GSG1L: variants seen among roughly 807,000 people sequenced by gnomAD.
The protein encoded by GSG1L is GSG1 like, also known as germ cell-specific gene 1-like protein.
In GSG1L, 24 loss-of-function variants were observed where a neutral mutation model predicts 42.1. The observed-to-expected ratio is 0.57, with a 90% CI of 0.41 to 0.80. The LOEUF (loss-of-function observed/expected upper bound fraction) is 0.80. Among genes scored for constraint, GSG1L ranks in the 30% least tolerant of loss-of-function variants. The probability of loss-of-function intolerance (pLI) is 0.00; values close to 1 mark genes in which losing one functional copy is unlikely to be tolerated. For synonymous variants in GSG1L, 215 were observed against 203.5 expected (o/e 1.06, Z -0.48); for missense variants, 445 against 472.2 (o/e 0.94, Z 0.53).
intron 2 of GSG1L, among the ~76,000 whole-genome samples, chr16:27,914,150 C>A (rs990988792): frequency 4.0e-5 from 6 of 151,716 alleles, no homozygotes; most frequent in Non-Finnish European, 8.8e-5. Context: ...AGTAATGATG[C>A]AATTAGTATC....
At chr16:27,959,200 G>A (rs1308553854) in intron 2 of GSG1L, among the ~76,000 whole-genome samples, 1 of 147,060 alleles carries the variant, frequency 6.8e-6, no homozygotes, top group Non-Finnish European at 1.5e-5. Flanking sequence ...GCTCATGCCT[G>A]TAATCCCAAC....
chr16:28,034,032 G>A (rs2085998730), intron 1 of GSG1L, among the ~76,000 whole-genome samples: 1 of 152,044 alleles, frequency 6.6e-6, no homozygotes, highest in Admixed American at 6.6e-5. Context: ...GGGTTCCCAT[G>A]CAGGACTTGA....
chr16:27,808,817 G>A (rs182709396), intron 5 of GSG1L, among the ~76,000 whole-genome samples: 104 of 152,326 alleles, frequency 6.8e-4, no homozygotes, highest in African/African-American at 2.3e-3. Flanking sequence ...TCAGGGTTGT[G>A]GTGGTCCCAG....
chr16:27,795,311 C>G (rs992497914), intron 6 of GSG1L, among the ~76,000 whole-genome samples: 1 of 152,200 alleles, frequency 6.6e-6, no homozygotes, highest in African/African-American at 2.4e-5. Context: ...CTCAAACTCT[C>G]CTCTTTTGGG....
intron 2 of GSG1L, among the ~76,000 whole-genome samples, chr16:27,958,486 A>G (rs1008388104): frequency 4.6e-5 from 7 of 152,094 alleles, no homozygotes; most frequent in Non-Finnish European, 1.0e-4. Context: ...TTTCAAGATA[A>G]GGACAAGTTC....
intron 3 of GSG1L, among the ~76,000 whole-genome samples, chr16:27,854,239 G>A (rs538259337): frequency 2.1e-5 from 3 of 146,100 alleles, no homozygotes; most frequent in Non-Finnish European, 4.5e-5. Flanking sequence ...GGGGAATGGG[G>A]AGGGTGAATA....
chr16:28,060,448 A>C (rs1164369297), intron 1 of GSG1L, among the ~76,000 whole-genome samples: 1 of 152,144 alleles, frequency 6.6e-6, no homozygotes, highest in Non-Finnish European at 1.5e-5. Flanking sequence ...TCAGAGAGGA[A>C]AATTGTGATT....
chr16:27,870,151 T>TTCCTTCTCTCTCTGTCTCCCTCCCTCTC (rs2083797994), intron 3 of GSG1L, among the ~76,000 whole-genome samples: 1 of 115,468 alleles, frequency 8.7e-6, no homozygotes, highest in Non-Finnish European at 1.8e-5. Flanking sequence ...CCATCTCTCT[T>TTCCTTCTCTCTCTGTCTCCCTCCCTCTC]TCCTTCTCTC....
chr16:27,813,622 C>A (rs1484459146), intron 5 of GSG1L, among the ~76,000 whole-genome samples: 1 of 152,236 alleles, frequency 6.6e-6, no homozygotes, highest in Admixed American at 6.5e-5. Context: ...GAGCTGGTTT[C>A]CTTGCACAGA....
intron 2 of GSG1L, among the ~76,000 whole-genome samples, chr16:27,918,929 G>C (rs1028991412): frequency 1.3e-5 from 2 of 152,122 alleles, no homozygotes; most frequent in African/African-American, 4.8e-5. Context: ...CCTTTACCCA[G>C]GGCAGACATT....
chr16:27,899,966 C>A lies in GSG1L; in HGVS notation c.398-15328G>T, dbSNP rs373604944. ...GCCCAGGATCTCAAGACCAGGCAGG[C>A]TTCAGCCTCCGCTCCTTGCCTCTCT... is the stretch of plus-strand genomic sequence containing the variant. On this transcript the variant is annotated intron_variant, in intron 2 of 6. Transcript: ENST00000447459. Among the ~76,000 whole-genome samples, 8 of 152,322 alleles carry A rather than the reference C, an allele frequency of 5.3e-5. No individual in the cohort carries two copies. The South Asian group carries it at 1.7e-3, about 32-fold the overall frequency.
chr16:27,862,996 C>T (rs757839963), intron 3 of GSG1L, among the ~76,000 whole-genome samples: 3 of 151,900 alleles, frequency 2.0e-5, no homozygotes, highest in African/African-American at 4.8e-5. Context: ...TTGTATTGCT[C>T]AGTAGCTCAG....
At chr16:27,853,043 T>G (rs2083533696) in intron 3 of GSG1L, among the ~76,000 whole-genome samples, 1 of 152,192 alleles carries the variant, frequency 6.6e-6, no homozygotes, top group Non-Finnish European at 1.5e-5. Context: ...CTGTTGGGAC[T>G]GACCCAATTA....
In GSG1L at chr16:27,789,384, TGGAG is replaced by T. The variant is rs1160378663; in HGVS notation, c.*1982_*1985del. 6.8e-6 allele frequency: 1 copy of T among 147,732 alleles called. No homozygotes were observed. Among genetic ancestry groups the T allele is most frequent in the Non-Finnish European group, 1.5e-5 (1 of 67,048 alleles). 9.2% of individuals were successfully genotyped at this position (147,732 alleles called of 1,614,324 possible). On this transcript the variant is annotated 3_prime_UTR_variant, in exon 7 of 7. Transcript: ENST00000447459. The stretch of plus-strand genomic sequence containing the variant: ...GGATGGTTGATGGATAATGGGCAGA[TGGAG>T]GGATGAATGGATGAGTGGATGATGG...
In GSG1L at chr16:28,063,056, C is replaced by A; in HGVS notation, c.349+20G>T. 1 of 1,395,736 alleles carries A rather than the reference C, an allele frequency of 7.2e-7. No homozygotes were observed. Among genetic ancestry groups the A allele is most frequent in the Non-Finnish European group, 9.4e-7 (1 of 1,068,650 alleles). The allele number at this position is 1,395,736 out of a possible 1,614,324, so 86.5% of individuals were successfully genotyped here. On this transcript the variant is annotated intron_variant, in intron 1 of 6. Coordinates refer to ENST00000447459, the MANE Select transcript of GSG1L (RefSeq NM_001109763.2). The surrounding 1 kb of genome is among the most constrained non-coding windows in gnomAD (Gnocchi z 5.8). Reference sequence around the variant, plus strand: ...CCGGGGGAGCCGGAGCCGAGCTGGCCGCCGCCCGCGCGCACTCACCAAGCC... The same window carrying A: ...CCGGGGGAGCCGGAGCCGAGCTGGCAGCCGCCCGCGCGCACTCACCAAGCC...
chr16:27,881,212 C>T (rs2083950299), intron 3 of GSG1L, among the ~76,000 whole-genome samples: 2 of 149,254 alleles, frequency 1.3e-5, no homozygotes, highest in Non-Finnish European at 3.0e-5. Context: ...AAACGGGATT[C>T]AGTGGAAACT....
chr16:28,037,706 C>G (rs373582673), intron 1 of GSG1L, among the ~76,000 whole-genome samples: 4 of 152,150 alleles, frequency 2.6e-5, no homozygotes, highest in African/African-American at 9.7e-5. Flanking sequence ...TACTATGAGC[C>G]AATCCTTATT....
intron 1 of GSG1L, among the ~76,000 whole-genome samples, chr16:27,970,127 T>C (rs1296840932): frequency 6.6e-6 from 1 of 152,146 alleles, no homozygotes; most frequent in Non-Finnish European, 1.5e-5. Flanking sequence ...TTATCTGATT[T>C]GTAAATATTT....
chr16:27,793,467 A>T (rs1025468710), intron 6 of GSG1L, among the ~76,000 whole-genome samples: 1 of 146,528 alleles, frequency 6.8e-6, no homozygotes, highest in African/African-American at 2.6e-5. Flanking sequence ...TTGGCTGCCA[A>T]GATAGAGGTG....
Sources: allele counts gnomAD v4.1 joint callset (sites outside exome capture counted in the v4.1 genomes callset), GRCh38; gene constraint gnomAD v4.1.1; non-coding constraint Gnocchi (gnomAD v3.1); transcripts MANE v1.5; gene names NCBI Gene and HGNC (gene_info 2026-07-23, HGNC 2026-07-21).